SLC25A36: variants seen among roughly 807,000 people sequenced by gnomAD.
SLC25A36 encodes the protein solute carrier family 25 member 36, also known as epididymis secretory sperm binding protein.
A neutral mutation model predicts 35.3 loss-of-function variants in SLC25A36; 24 were observed. That is an observed-to-expected ratio of 0.68 (90% CI 0.49 to 0.96). The LOEUF (loss-of-function observed/expected upper bound fraction) is 0.96. Ranked by LOEUF, SLC25A36 falls within the 40% of genes least tolerant of loss-of-function variation. SLC25A36 has a pLI of 0.00. For missense variants in SLC25A36, 294 were observed against 381.1 expected, an observed-to-expected ratio of 0.77 and a Z score of 1.90; for synonymous variants, 141 against 132.2, an observed-to-expected ratio of 1.07 and a Z score of -0.46.
chr3:140,949,392 C>T (rs1934256908), intron 1 of SLC25A36, among the ~76,000 whole-genome samples: 1 of 152,108 alleles, frequency 6.6e-6, no homozygotes, highest in Non-Finnish European at 1.5e-5. Flanking sequence ...ATTTGGCAAA[C>T]ATCATTAAAA....
At chr3:140,948,836 C>G (rs990060931) in intron 1 of SLC25A36, among the ~76,000 whole-genome samples, 11 of 152,164 alleles carry the variant, frequency 7.2e-5, no homozygotes, top group Non-Finnish European at 2.9e-5. Context: ...TTAGGACTAT[C>G]CAGTCAATGG....
At chr3:140,943,881 A>G (rs748609106) in intron 1 of SLC25A36, among the ~76,000 whole-genome samples, 10 of 152,220 alleles carry the variant, frequency 6.6e-5, no homozygotes, top group Non-Finnish European at 1.3e-4. Flanking sequence ...ACATGTAAAT[A>G]TAGGTTTTCT....
Position 140,956,671 on chromosome 3 carries a change from C to T in SLC25A36, c.186C>T (p.Pro62=), listed in dbSNP as rs758432006. The T allele has an allele frequency of 9.9e-6, 16 of 1,610,598 alleles. No homozygotes were observed. In the East Asian group the frequency reaches 2.0e-4, roughly 20 times the overall value. ...CCAGTGTCAACCGAGTAGTGTCTCC[C>T]GGACCTCTTCATTGCCTAAAGTGAG... is the stretch of plus-strand genomic sequence containing the variant. ...AGASVNRVVS[P]GPLHCLKVIL... The change falls in exon 2 of 7, where the codon CCC becomes CCT. Residue 62 remains proline (P), a synonymous_variant. Coordinates refer to ENST00000324194, the MANE Select transcript of SLC25A36 (RefSeq NM_001104647.3).
intron 4 of SLC25A36, chr3:140,964,109 G>A (rs1257299328): frequency 2.0e-5 from 3 of 151,890 alleles, no homozygotes; most frequent in African/African-American, 7.2e-5. Flanking sequence ...TCAATAAATT[G>A]AATGTCAATT....
chr3:140,975,067 A>G (rs1367902280), intron 6 of SLC25A36, among the ~76,000 whole-genome samples: 1 of 142,512 alleles, frequency 7.0e-6, no homozygotes, highest in African/African-American at 2.5e-5. Context: ...TCATTACAGG[A>G]AGAGGTACAG....
intron 6 of SLC25A36, among the ~76,000 whole-genome samples, chr3:140,975,961 T>C (rs987052847): frequency 1.3e-5 from 2 of 152,148 alleles, no homozygotes; most frequent in Non-Finnish European, 1.5e-5. Flanking sequence ...TTTTCCTCCT[T>C]CTCATTTCTA....
chr3:140,952,013 TTCTC>T (rs1253480438), intron 1 of SLC25A36, among the ~76,000 whole-genome samples: 1 of 146,874 alleles, frequency 6.8e-6, no homozygotes, highest in Non-Finnish European at 1.5e-5. Context: ...TTTCCTTTCT[TTCTC>T]TCTTTTTTTT....
At chr3:140,973,601 TCTA>T in intron 5 of SLC25A36, 112 bp from the exon 6 acceptor site, 1 of 790,702 alleles carries the variant, frequency 1.3e-6, no homozygotes, top group Non-Finnish European at 1.7e-6. Context: ...GTTTTAAAAT[TCTA>T]ATTCTTCATG....
At position 140,980,782 on chromosome 3, in the gene SLC25A36, C is replaced by A. The variant is rs144081307; in HGVS notation, c.*4329C>A. Among the ~76,000 whole-genome samples the A allele has an allele frequency of 4.0e-4, 56 of 140,786 alleles. No homozygotes were observed. In the East Asian group the frequency reaches 0.011, roughly 27 times the overall value. 92.4% of individuals were successfully genotyped at this position (140,786 alleles called of 152,430 possible). A position where few individuals can be genotyped will look rare whatever the true frequency, so the allele number is the denominator to read the frequency against. On this transcript the variant is annotated 3_prime_UTR_variant, in exon 7 of 7. Coordinates refer to ENST00000324194, the MANE Select transcript of SLC25A36 (RefSeq NM_001104647.3). ...ATGACATGATCTCAGGTCACTGCAA[C>A]CTCTGCCTCCCGGGTTCAAGCGATT...
chr3:140,973,865 A>G lies in SLC25A36; in HGVS notation c.602A>G (p.Lys201Arg), dbSNP rs1559817757. ...VIHFVIYESI[K>R]QKLLEYKTAS... Reference sequence around the variant, plus strand: ...CATTTTGTTATTTATGAAAGTATAAAACAAAAACTACTGGAATATAAGACT... The same window carrying G: ...CATTTTGTTATTTATGAAAGTATAAGACAAAAACTACTGGAATATAAGACT... The change falls in exon 6 of 7, where the codon AAA becomes AGA. Residue 201 changes from lysine to arginine, a missense_variant. Physicochemically the swap from Lys to Arg is conservative, Grantham distance 26. Coordinates refer to ENST00000324194, the MANE Select transcript of SLC25A36 (RefSeq NM_001104647.3). The G allele has an allele frequency of 6.2e-7, 1 of 1,613,594 alleles. No homozygotes were observed.
In SLC25A36 at chr3:140,980,364, G is replaced by T. The variant is rs1240424526; in HGVS notation, c.*3911G>T. 6.6e-6 allele frequency among the ~76,000 whole-genome samples: 1 copy of T among 152,052 alleles called. No individual in the cohort carries two copies. The highest frequency in any genetic ancestry group is 1.5e-5 in the Non-Finnish European group (1 of 67,978). Reference sequence around the variant, plus strand: ...GTAGTGCCTACCCTCTTTACATTTTGTCTATTTTATTTAAGTTTTTCTGTA... The same window carrying T: ...GTAGTGCCTACCCTCTTTACATTTTTTCTATTTTATTTAAGTTTTTCTGTA... On this transcript the variant is annotated 3_prime_UTR_variant, in exon 7 of 7. Transcript: ENST00000324194.
Position 140,973,901 on chromosome 3 carries a change from T to C in SLC25A36, c.638T>C (p.Met213Thr). The change falls in exon 6 of 7, where the codon ATG becomes ACG. Residue 213 changes from methionine to threonine, a missense_variant. Physicochemically the swap from Met to Thr is moderately conservative, Grantham distance 81. Around this residue, in one of 2 missense-constraint regions of SLC25A36, gnomAD observed 109 missense variants for 179.7 expected, o/e 0.61. Transcript: ENST00000324194. ...CTGGAATATAAGACTGCTTCTACAA[T>C]GGAAAATGATGAAGAGTCTGTGAAA... ...KLLEYKTAST[M>T]ENDEESVKEA... 2 of 1,613,214 alleles carry C rather than the reference T, an allele frequency of 1.2e-6. No individual in the cohort carries two copies. The highest frequency in any genetic ancestry group is 1.7e-6 in the Non-Finnish European group (2 of 1,179,484).
intron 5 of SLC25A36, among the ~76,000 whole-genome samples, chr3:140,971,460 G>C (rs1276982756): frequency 6.6e-6 from 1 of 152,128 alleles, no homozygotes; most frequent in African/African-American, 2.4e-5. Context: ...TGTTACCACT[G>C]ACCACTTTAT....
At chr3:140,946,100 A>G (rs1164508256) in intron 1 of SLC25A36, among the ~76,000 whole-genome samples, 1 of 152,222 alleles carries the variant, frequency 6.6e-6, no homozygotes, top group Non-Finnish European at 1.5e-5. Flanking sequence ...ATTGAAGAAT[A>G]TCGACAACCG....
rs877142 is a variant in SLC25A36, at chr3:140,962,120, G to C, written c.285-1007G>C. ...ATTAGGATTTCTTTTTTTCTTACCA[G>C]TTTCTAGAAATGCATTGTTTATTCC... On this transcript the variant is annotated intron_variant, in intron 3 of 6. Transcript: ENST00000324194. Among the ~76,000 whole-genome samples, 4 of 151,754 alleles carry C rather than the reference G, an allele frequency of 2.6e-5. No individual in the cohort carries two copies. In the South Asian group the frequency reaches 8.3e-4, roughly 32 times the overall value.
intron 5 of SLC25A36, among the ~76,000 whole-genome samples, chr3:140,972,033 TCTTTTAATG>T (rs758078682): frequency 1.2e-4 from 19 of 152,350 alleles, no homozygotes; most frequent in Middle Eastern, 3.4e-3. Context: ...CTGAAATAGA[TCTTTTAATG>T]AAATCTTAAG....
intron 4 of SLC25A36, chr3:140,964,606 C>T (rs545060510): frequency 6.6e-6 from 1 of 151,874 alleles, no homozygotes; most frequent in Non-Finnish European, 1.5e-5. Context: ...AGGTTGGTGG[C>T]CAGTGACAAA....
chr3:140,965,808 A>G (rs1934743649), intron 4 of SLC25A36: 1 of 151,734 alleles, frequency 6.6e-6, no homozygotes, highest in East Asian at 1.9e-4. Flanking sequence ...TGACAGACTA[A>G]GTATATCTCA....
Position 140,959,460 on chromosome 3 carries a change from C to G in SLC25A36, c.207-3C>G. 6.7e-7 allele frequency: 1 copy of G among 1,495,300 alleles called. No homozygotes were observed. The highest frequency in any genetic ancestry group is 8.9e-7 in the Non-Finnish European group (1 of 1,122,928). 92.6% of individuals were successfully genotyped at this position (1,495,300 alleles called of 1,614,324 possible). A position where few individuals can be genotyped will look rare whatever the true frequency, so the allele number is the denominator to read the frequency against. Reference sequence around the variant, plus strand: ...CTGATAGAATTTTTTTTCTCTCTTTCAGGGTGATCTTGGAAAAAGAAGGGC... The same window carrying G: ...CTGATAGAATTTTTTTTCTCTCTTTGAGGGTGATCTTGGAAAAAGAAGGGC... On this transcript the variant is annotated splice_polypyrimidine_tract_variant and splice_region_variant and intron_variant, in intron 2 of 6. Coordinates refer to ENST00000324194, the MANE Select transcript of SLC25A36 (RefSeq NM_001104647.3).
Sources: allele counts gnomAD v4.1 joint callset (sites outside exome capture counted in the v4.1 genomes callset), GRCh38; gene constraint gnomAD v4.1.1; regional missense constraint gnomAD v4.1.1; transcripts MANE v1.5; gene names NCBI Gene and HGNC (gene_info 2026-07-23, HGNC 2026-07-21).